Variants in MAN1A1 observed in about 807,000 individuals in gnomAD.
MAN1A1 encodes the protein mannosidase alpha class 1A member 1, also known as mannosyl-oligosaccharide 1,2-alpha-mannosidase IA.
A neutral mutation model predicts 70.8 loss-of-function variants in MAN1A1; 29 were observed. The observed-to-expected ratio is 0.41, with a 90% CI of 0.31 to 0.56. The LOEUF is 0.56. MAN1A1 is among the 20% of genes least tolerant of loss of function. The probability of loss-of-function intolerance (pLI) is 0.29; values close to 1 mark genes in which losing one functional copy is unlikely to be tolerated. For synonymous variants in MAN1A1, 349 were observed against 330.1 expected, an observed-to-expected ratio of 1.06 and a Z score of -0.62; for missense variants, 747 against 841.3, an observed-to-expected ratio of 0.89 and a Z score of 1.39.
chr6:119,317,986 A>G (rs1772901282), intron 2 of MAN1A1, among the ~76,000 whole-genome samples: 1 of 152,162 alleles, frequency 6.6e-6, no homozygotes, highest in Admixed American at 6.5e-5. Context: ...ATCTTGTAAG[A>G]TTCTGAAAGT....
chr6:119,179,930 T>C lies in MAN1A1; in HGVS notation c.1851A>G (p.Ile617Met). ...LAETLKYLYL[I>M]FSDDDLLPLE... ...GTGGAAGAAGATCGTCGTCAGAAAA[T>C]ATTAGGTACAAATATCTGGTGAGAG... The change falls in exon 13 of 13, where the codon ATA becomes ATG. Residue 617 changes from isoleucine to methionine, a missense_variant. Ile to Met is a conservative substitution (Grantham distance 10, BLOSUM62 1). Coordinates refer to ENST00000368468, the MANE Select transcript of MAN1A1 (RefSeq NM_005907.4). The C allele has an allele frequency of 5.6e-6, 9 of 1,613,470 alleles. No homozygotes were observed. Among genetic ancestry groups the C allele is most frequent in the Non-Finnish European group, 7.6e-6 (9 of 1,179,608 alleles).
intron 8 of MAN1A1, among the ~76,000 whole-genome samples, chr6:119,200,861 T>C (rs1773695273): frequency 6.6e-6 from 1 of 152,190 alleles, no homozygotes; most frequent in Non-Finnish European, 1.5e-5. Flanking sequence ...TATATAGCCA[T>C]GCAGAAACAG....
intron 6 of MAN1A1, among the ~76,000 whole-genome samples, chr6:119,230,055 A>G (rs1017170956): frequency 6.6e-6 from 1 of 152,180 alleles, no homozygotes; most frequent in African/African-American, 2.4e-5. Flanking sequence ...ATGATCTCAA[A>G]TGAAATCTTT....
chr6:119,333,737 A>G (rs1401301892), intron 2 of MAN1A1, among the ~76,000 whole-genome samples: 1 of 152,262 alleles, frequency 6.6e-6, no homozygotes, highest in African/African-American at 2.4e-5. Flanking sequence ...CTAGTTTTCT[A>G]ATAAATAATC....
At chr6:119,204,928 G>T in intron 6 of MAN1A1, 46 bp from the exon 7 acceptor site, 1 of 1,593,506 alleles carries the variant, frequency 6.3e-7, no homozygotes, top group Non-Finnish European at 8.5e-7. Context: ...GATTAACTCC[G>T]TTTTTCACTA....
intron 2 of MAN1A1, among the ~76,000 whole-genome samples, chr6:119,316,264 A>G (rs6938540): frequency 0.4 from 57,824 of 143,240 alleles, 11,629 homozygotes; most frequent in African/African-American, 0.44. Flanking sequence ...TGCAATCTCC[A>G]CCTCCCGCGT....
chr6:119,296,162 T>C (rs180755228), intron 4 of MAN1A1, among the ~76,000 whole-genome samples: 6 of 152,348 alleles, frequency 3.9e-5, no homozygotes, highest in Admixed American at 3.3e-4. Flanking sequence ...CAGTGTGTCC[T>C]GGCAGCCTTT....
chr6:119,201,544 G>A (rs1294045773), intron 7 of MAN1A1, among the ~76,000 whole-genome samples, 197 bp from the exon 8 acceptor site: 1 of 152,154 alleles, frequency 6.6e-6, no homozygotes, highest in African/African-American at 2.4e-5. Context: ...TTAGCCAGAT[G>A]CCATACTAGG....
chr6:119,281,032 T>A (rs917520963), intron 5 of MAN1A1, among the ~76,000 whole-genome samples: 8 of 152,182 alleles, frequency 5.3e-5, no homozygotes, highest in African/African-American at 1.9e-4. Context: ...GGGCAGTATA[T>A]GTCTGTCTGT....
In MAN1A1 at chr6:119,189,896, C is replaced by G. The variant is rs1440138672; in HGVS notation, c.1327-13G>C. 2 of 1,592,550 alleles carry G rather than the reference C, an allele frequency of 1.3e-6. No homozygotes were observed. The highest frequency in any genetic ancestry group is 3.4e-5 in the Admixed American group (2 of 59,334). ...GAGTCTCGATAGCCTGTGAAAAACACTTATTTTTTAACATTTTGTAATCTC... is the reference window on the plus strand; with the variant it reads ...GAGTCTCGATAGCCTGTGAAAAACAGTTATTTTTTAACATTTTGTAATCTC... On this transcript the variant is annotated splice_polypyrimidine_tract_variant and intron_variant, in intron 9 of 12. Transcript: ENST00000368468.
intron 5 of MAN1A1, among the ~76,000 whole-genome samples, chr6:119,289,114 A>G (rs1024675884): frequency 6.6e-6 from 1 of 151,816 alleles, no homozygotes; most frequent in Non-Finnish European, 1.5e-5. Flanking sequence ...AGAAACACAT[A>G]TATGTATGTA....
chr6:119,285,733 A>G (rs1776356586), intron 5 of MAN1A1, among the ~76,000 whole-genome samples: 1 of 152,072 alleles, frequency 6.6e-6, no homozygotes, highest in Non-Finnish European at 1.5e-5. Context: ...TGTGAGCTCA[A>G]TTTTTATAAT....
intron 9 of MAN1A1, among the ~76,000 whole-genome samples, chr6:119,193,520 TC>T (rs1271141520): frequency 1.3e-5 from 2 of 152,190 alleles, no homozygotes; most frequent in African/African-American, 4.8e-5. Flanking sequence ...TTCATATTTA[TC>T]AAAGAATACT....
intron 11 of MAN1A1, among the ~76,000 whole-genome samples, chr6:119,186,700 A>C (rs1362349639): frequency 6.6e-6 from 1 of 152,206 alleles, no homozygotes; most frequent in East Asian, 1.9e-4. Context: ...AGTATGCATC[A>C]GAACAGCCAA....
intron 2 of MAN1A1, 142 bp from the exon 3 acceptor site, chr6:119,307,134 T>C (rs1421381208): frequency 3.4e-6 from 2 of 587,510 alleles, no homozygotes; most frequent in African/African-American, 3.7e-5. Flanking sequence ...TATGATTATA[T>C]AAACCAGAAC....
At chr6:119,215,015 C>A in intron 6 of MAN1A1, among the ~76,000 whole-genome samples, 1 of 138,042 alleles carries the variant, frequency 7.2e-6, no homozygotes, top group African/African-American at 2.8e-5. Context: ...CACATGGACA[C>A]AGGAAGGGGA....
chr6:119,202,249 TA>T (rs1773733123), intron 7 of MAN1A1, among the ~76,000 whole-genome samples: 1 of 152,218 alleles, frequency 6.6e-6, no homozygotes, highest in African/African-American at 2.4e-5. Context: ...AATTTCTTTT[TA>T]AAGTTGTTTA....
intron 4 of MAN1A1, among the ~76,000 whole-genome samples, chr6:119,294,797 A>G (rs1045992811): frequency 6.6e-6 from 1 of 152,110 alleles, no homozygotes; most frequent in African/African-American, 2.4e-5. Context: ...TTGAATTCAT[A>G]TAAATTGAAT....
At chr6:119,275,672 C>T (rs1470856634) in intron 5 of MAN1A1, among the ~76,000 whole-genome samples, 1 of 151,414 alleles carries the variant, frequency 6.6e-6, no homozygotes, top group African/African-American at 2.4e-5. Flanking sequence ...AAACTCTTGA[C>T]CTCAGGTGAT....
Sources: gnomAD v4.1 joint callset for allele counts (sites outside exome capture counted in the v4.1 genomes callset) on GRCh38, gnomAD v4.1.1 for gene constraint, MANE v1.5 for transcripts, NCBI Gene and HGNC (gene_info 2026-07-23, HGNC 2026-07-21) for gene names.